Variants in ZBED6 observed in about 807,000 individuals in gnomAD.
ZBED6 encodes the protein zinc finger BED-type containing 6, also known as zinc finger BED domain-containing protein 6.
In ZBED6, 40 loss-of-function variants were observed where a neutral mutation model predicts 58.4. The ratio of observed to expected loss-of-function variants is 0.68; its 90% CI spans 0.53 to 0.89. The LOEUF is 0.89. Ranked by LOEUF, ZBED6 falls within the 40% of genes least tolerant of loss-of-function variation. The probability of loss-of-function intolerance (pLI) is 0.00; values close to 1 mark genes in which losing one functional copy is unlikely to be tolerated. For missense variants in ZBED6, 1,057 were observed against 1,003.9 expected (o/e 1.05, Z -0.71); for synonymous variants, 439 against 350.6 (o/e 1.25, Z -2.82).
intron 1 of ZBED6, among the ~76,000 whole-genome samples, chr1:203,814,252 G>T (rs1450862165): frequency 2.6e-5 from 4 of 152,118 alleles, no homozygotes; most frequent in Non-Finnish European, 5.9e-5. Flanking sequence ...CCGGCCAGGC[G>T]CTGGCTCACA....
At chr1:203,849,578 C>G (rs2103441210) in intron 13 of ZBED6, 133 bp from the exon 14 acceptor site, 1 of 855,618 alleles carries the variant, frequency 1.2e-6, no homozygotes, top group Non-Finnish European at 1.9e-6. Context: ...TATTTAACAT[C>G]AAATAAAGAG....
intron 8 of ZBED6, among the ~76,000 whole-genome samples, 166 bp from the exon 9 acceptor site, chr1:203,833,625 T>TTTTTTG (rs1683221016): frequency 6.7e-6 from 1 of 149,418 alleles, no homozygotes; most frequent in Admixed American, 6.7e-5. Context: ...TGGGTTTTTT[T>TTTTTTG]TTTTTTTTTT....
At chr1:203,837,993 G>C in exon 10 of ZBED6, 4 of 1,614,034 alleles carry the variant, frequency 2.5e-6, no homozygotes, top group Non-Finnish European at 3.4e-6. Context: ...CCATTAAAGC[G>C]TAGCCTGGCA....
chr1:203,844,651 C>T (rs774416506), intron 11 of ZBED6, among the ~76,000 whole-genome samples: 1 of 152,126 alleles, frequency 6.6e-6, no homozygotes, highest in African/African-American at 2.4e-5. Context: ...AAGTTGTCCT[C>T]TCTCCTGACT....
At chr1:203,829,980 T>C in intron 6 of ZBED6, 84 bp downstream of exon 6, 1 of 1,409,092 alleles carries the variant, frequency 7.1e-7, no homozygotes, top group Non-Finnish European at 1.0e-6. Context: ...ACCTCCCTCT[T>C]CTTTTTCCCA....
chr1:203,801,616 A>G (rs895055237), exon 1 of ZBED6: 7 of 152,582 alleles, frequency 4.6e-5, no homozygotes, highest in African/African-American at 1.2e-4. Flanking sequence ...TGGAAAATTG[A>G]CTAGTATTAA....
intron 3 of ZBED6, among the ~76,000 whole-genome samples, chr1:203,827,646 C>CA: frequency 6.6e-6 from 1 of 150,538 alleles, no homozygotes; most frequent in East Asian, 2.0e-4. Context: ...CGCGCCACTG[C>CA]ACTCCAGCCT....
rs377447184 is a variant in ZBED6, at chr1:203,829,541, A to G, written c.*3088A>G. ...CAGAACAAATTGTCTGTCCAGTCCA[A>G]TCCTTCCCCTCAGCTGCGGAGCGTT... On this transcript the variant is annotated 3_prime_UTR_variant, in exon 5 of 17. Transcript: ENST00000550078. 1.7e-5 allele frequency: 27 copies of G among 1,613,850 alleles called. No homozygotes were observed. The highest frequency in any genetic ancestry group is 7.7e-5 in the South Asian group (7 of 91,078).
exon 1 of ZBED6, chr1:203,797,549 A>C: frequency 1.3e-6 from 2 of 1,525,920 alleles, no homozygotes; most frequent in South Asian, 2.4e-5. Flanking sequence ...TAAGTGTACC[A>C]GTTTCTTCAC....
chr1:203,848,245 T>C (rs1042440168), intron 12 of ZBED6, 86 bp from the exon 13 acceptor site: 3 of 1,122,460 alleles, frequency 2.7e-6, no homozygotes, highest in Non-Finnish European at 3.9e-6. Context: ...CTTACTACTT[T>C]CATTAAATAA....
intron 8 of ZBED6, among the ~76,000 whole-genome samples, chr1:203,832,528 T>G (rs2103055178): frequency 6.6e-6 from 1 of 152,230 alleles, no homozygotes; most frequent in East Asian, 1.9e-4. Flanking sequence ...GCCTGGCTAA[T>G]TTTTGTATTT....
exon 1 of ZBED6, chr1:203,796,668 A>G (rs1668607543): frequency 5.2e-6 from 2 of 387,988 alleles, no homozygotes; most frequent in Non-Finnish European, 4.5e-6. Flanking sequence ...TTTAAAGTTC[A>G]TATTTCACTT....
intron 16 of ZBED6, 44 bp downstream of exon 16, chr1:203,851,168 T>TA (rs1558148573): frequency 6.3e-7 from 1 of 1,575,896 alleles, no homozygotes; most frequent in East Asian, 2.2e-5. Flanking sequence ...AGGCCCCTGT[T>TA]ACTGTTTAGG....
intron 1 of ZBED6, among the ~76,000 whole-genome samples, chr1:203,813,626 A>G (rs1675251298): frequency 6.6e-6 from 1 of 152,154 alleles, no homozygotes; most frequent in Non-Finnish European, 1.5e-5. Context: ...CTGGGTAGCT[A>G]CAGAAGTTTG....
intron 1 of ZBED6, among the ~76,000 whole-genome samples, chr1:203,816,327 T>C (rs1676364512): frequency 6.6e-6 from 1 of 152,182 alleles, no homozygotes; most frequent in Admixed American, 6.5e-5. Flanking sequence ...TATACATATA[T>C]GTATAATGTA....
At chr1:203,801,628 T>C (rs2102425828) in exon 1 of ZBED6, 1 of 152,740 alleles carries the variant, frequency 6.5e-6, no homozygotes, top group East Asian at 1.9e-4. Flanking sequence ...TAGTATTAAG[T>C]GTGAGTAAAA....
At chr1:203,828,621 G>A (rs1230117082) in intron 4 of ZBED6, among the ~76,000 whole-genome samples, 199 bp downstream of exon 4, 1 of 152,128 alleles carries the variant, frequency 6.6e-6, no homozygotes, top group African/African-American at 2.4e-5. Context: ...ATCTTGGCAT[G>A]CCATTTAAGT....
chr1:203,838,882 G>T (rs930950889), intron 10 of ZBED6, among the ~76,000 whole-genome samples: 1 of 147,670 alleles, frequency 6.8e-6, no homozygotes, highest in Non-Finnish European at 1.5e-5. Context: ...GAACCTGGAA[G>T]GCGGAGGTTA....
At chr1:203,838,311 C>G (rs572104351) in intron 10 of ZBED6, among the ~76,000 whole-genome samples, 4 of 152,134 alleles carry the variant, frequency 2.6e-5, no homozygotes, top group East Asian at 1.9e-4. Context: ...CTTATAAATG[C>G]GATAAATTTT....
Sources: allele counts gnomAD v4.1 joint callset (sites outside exome capture counted in the v4.1 genomes callset), GRCh38; gene constraint gnomAD v4.1.1; transcripts MANE v1.5; gene names NCBI Gene and HGNC (gene_info 2026-07-23, HGNC 2026-07-21).